The following RTKN2 variants were observed in gnomAD, a reference collection of about 807,000 sequenced individuals.
RTKN2 encodes rhotekin-2.
Under a neutral mutation model 71.5 loss-of-function variants are expected in RTKN2, and 69 were observed. The observed-to-expected ratio is 0.96, with a 90% CI of 0.79 to 1.18. The LOEUF is 1.18. Ranked by LOEUF, RTKN2 falls within the 50% of genes most tolerant of loss-of-function variation. The pLI is 0.00. For synonymous variants in RTKN2, 236 were observed against 236.5 expected (o/e 1.00, Z 0.02); for missense variants, 724 against 719.7 (o/e 1.01, Z -0.07).
At position 62,196,131 on chromosome 10, in the gene RTKN2, G is replaced by C; in HGVS notation, c.*1777C>G. On this transcript the variant is annotated 3_prime_UTR_variant, in exon 12 of 12. Coordinates refer to ENST00000373789, the MANE Select transcript of RTKN2 (RefSeq NM_145307.4). Reference sequence around the variant, plus strand: ...GCTCAATAATTTAGTGGCAATGACAGTCACAAATGCTGTCAAAAACAGCAA... The same window carrying C: ...GCTCAATAATTTAGTGGCAATGACACTCACAAATGCTGTCAAAAACAGCAA... 1 of 984,108 alleles carries C rather than the reference G, an allele frequency of 1.0e-6. No individual in the cohort carries two copies. The highest frequency in any genetic ancestry group is 1.2e-6 in the Non-Finnish European group (1 of 828,906). The allele number at this position is 984,108 out of a possible 1,614,324, so 61.0% of individuals were successfully genotyped here. A position where few individuals can be genotyped will look rare whatever the true frequency, so the allele number is the denominator to read the frequency against.
intron 2 of RTKN2, among the ~76,000 whole-genome samples, chr10:62,254,799 G>C (rs1305937554): frequency 6.6e-6 from 1 of 151,832 alleles, no homozygotes; most frequent in Non-Finnish European, 1.5e-5. Flanking sequence ...TAAGCAAGCT[G>C]AGAGACAAAA....
intron 8 of RTKN2, chr10:62,184,491 G>C (rs1402600890): frequency 6.8e-6 from 4 of 588,552 alleles, no homozygotes; most frequent in Non-Finnish European, 1.2e-5. Flanking sequence ...GGAAAAGATT[G>C]CAAGTTTCAG....
At chr10:62,215,996 C>A (rs576645720) in intron 9 of RTKN2, among the ~76,000 whole-genome samples, 1 of 151,804 alleles carries the variant, frequency 6.6e-6, no homozygotes, top group Non-Finnish European at 1.5e-5. Flanking sequence ...ACAGTTTAAA[C>A]AAAACAGTTA....
intron 10 of RTKN2, among the ~76,000 whole-genome samples, chr10:62,203,699 T>C (rs1208379952): frequency 1.3e-5 from 2 of 152,184 alleles, no homozygotes; most frequent in African/African-American, 4.8e-5. Flanking sequence ...AAATGAATAT[T>C]TGAACATTTA....
chr10:62,213,010 T>C (rs1288999231), intron 9 of RTKN2, among the ~76,000 whole-genome samples: 1 of 152,166 alleles, frequency 6.6e-6, no homozygotes, highest in African/African-American at 2.4e-5. Flanking sequence ...GCAATTAAGA[T>C]ACCAAGTATT....
At chr10:62,250,699 G>A (rs1313366781) in intron 2 of RTKN2, among the ~76,000 whole-genome samples, 2 of 152,020 alleles carry the variant, frequency 1.3e-5, no homozygotes, top group Admixed American at 6.6e-5. Context: ...GCATGATCTC[G>A]GCTCACTGCA....
At chr10:62,222,405 C>T (rs1468278641) in intron 7 of RTKN2, among the ~76,000 whole-genome samples, 1 of 152,058 alleles carries the variant, frequency 6.6e-6, no homozygotes, top group Non-Finnish European at 1.5e-5. Context: ...AGCCACCACA[C>T]CTAGCCTCAT....
At chr10:62,241,106 G>A in intron 4 of RTKN2, 36 bp downstream of exon 4, 1 of 1,242,250 alleles carries the variant, frequency 8.0e-7, no homozygotes, top group South Asian at 1.3e-5. Flanking sequence ...ACATACTAAA[G>A]AAAACATTTC....
In RTKN2 at chr10:62,194,647, C is replaced by T. The variant is rs1184006019; in HGVS notation, c.*3261G>A. On this transcript the variant is annotated 3_prime_UTR_variant, in exon 12 of 12. Coordinates refer to ENST00000373789, the MANE Select transcript of RTKN2 (RefSeq NM_145307.4). The stretch of plus-strand genomic sequence containing the variant: ...GTGATTACATTCAAATGGCATTTAA[C>T]ATAAATTGCACCAAACTGCCCTATA... 2 of 985,342 alleles carry T rather than the reference C, an allele frequency of 2.0e-6. No individual in the cohort carries two copies. Among genetic ancestry groups the T allele is most frequent in the Non-Finnish European group, 2.4e-6 (2 of 829,870 alleles). The allele number at this position is 985,342 out of a possible 1,614,324, so 61.0% of individuals were successfully genotyped here. A position where few individuals can be genotyped will look rare whatever the true frequency, so the allele number is the denominator to read the frequency against.
At chr10:62,229,251 CTGGAAATGTGGGATATGG>C (rs1383285566) in intron 6 of RTKN2, among the ~76,000 whole-genome samples, 1 of 152,086 alleles carries the variant, frequency 6.6e-6, no homozygotes, top group Non-Finnish European at 1.5e-5. Flanking sequence ...AGGGAAGAAC[CTGGAAATGTGGGATATGG>C]TGGAGAGAGT....
At chr10:62,227,970 C>G (rs1473184096) in intron 6 of RTKN2, among the ~76,000 whole-genome samples, 2 of 151,904 alleles carry the variant, frequency 1.3e-5, no homozygotes, top group African/African-American at 4.8e-5. Flanking sequence ...ATGAGGCTGA[C>G]TGAGAAACAG....
downstream of RTKN2, among the ~76,000 whole-genome samples, chr10:62,192,455 AC>A (rs1841237610): frequency 6.6e-6 from 1 of 152,134 alleles, no homozygotes; most frequent in South Asian, 2.1e-4. Flanking sequence ...ATGGCTCTTT[AC>A]CCATGAAGAC....
At chr10:62,235,630 TATC>T (rs1283252270) in intron 6 of RTKN2, among the ~76,000 whole-genome samples, 2 of 151,736 alleles carry the variant, frequency 1.3e-5, no homozygotes, top group African/African-American at 4.8e-5. Context: ...TTATTAAAAA[TATC>T]ATGGAAAATT....
At chr10:62,239,398 T>C (rs1842324415) in intron 5 of RTKN2, 3 of 275,974 alleles carry the variant, frequency 1.1e-5, no homozygotes, top group Non-Finnish European at 2.0e-5. Flanking sequence ...AAATGGGTCA[T>C]ATCTAATAAG....
intron 1 of RTKN2, among the ~76,000 whole-genome samples, chr10:62,266,905 A>C (rs1842878217): frequency 6.6e-6 from 1 of 152,230 alleles, no homozygotes; most frequent in Non-Finnish European, 1.5e-5. Flanking sequence ...TTTGACCTGA[A>C]TCTGACTCCA....
At chr10:62,254,025 G>T (rs1189635266) in intron 2 of RTKN2, among the ~76,000 whole-genome samples, 1 of 152,096 alleles carries the variant, frequency 6.6e-6, no homozygotes, top group Non-Finnish European at 1.5e-5. Flanking sequence ...AACTGGGAAG[G>T]AGGACACAGA....
rs1211835184 is a variant in RTKN2, at chr10:62,235,945, G to A, written c.686+121C>T. 4.2e-6 allele frequency: 3 copies of A among 718,194 alleles called. No individual in the cohort carries two copies. The East Asian group carries it at 8.2e-5, about 20-fold the overall frequency. 44.5% of individuals were successfully genotyped at this position (718,194 alleles called of 1,614,324 possible). ...AGTTGAGTAAATGTCAAACAACTAA[G>A]TTTTGTTTTTGTTTCCTGATGTTTT... On this transcript the variant is annotated intron_variant, in intron 6 of 11. Transcript: ENST00000373789.
At chr10:62,264,483 C>A (rs971624497) in intron 1 of RTKN2, among the ~76,000 whole-genome samples, 1 of 152,148 alleles carries the variant, frequency 6.6e-6, no homozygotes, top group Non-Finnish European at 1.5e-5. Flanking sequence ...AAAGTAAATT[C>A]TTCTTCAATG....
Position 62,268,729 on chromosome 10 carries a change from G to GGGGCCGGGGGCGCAGGAGGAGCC in RTKN2, c.-142_-120dup, listed in dbSNP as rs1842915797. 1 of 1,050,866 alleles carries GGGGCCGGGGGCGCAGGAGGAGCC rather than the reference G, an allele frequency of 9.5e-7. No homozygotes were observed. Among genetic ancestry groups the GGGGCCGGGGGCGCAGGAGGAGCC allele is most frequent in the South Asian group, 1.6e-5 (1 of 62,038 alleles). The allele number at this position is 1,050,866 out of a possible 1,614,324, so 65.1% of individuals were successfully genotyped here. A position where few individuals can be genotyped will look rare whatever the true frequency, so the allele number is the denominator to read the frequency against. ...CCGGCCGTACCAAGTCCCAGTCGCA[G>GGGGCCGGGGGCGCAGGAGGAGCC]GGGCCGGGGGCGCAGGAGGAGCCGG... On this transcript the variant is annotated 5_prime_UTR_variant, in exon 1 of 12. Coordinates refer to ENST00000373789, the MANE Select transcript of RTKN2 (RefSeq NM_145307.4).
Sources: gnomAD v4.1 joint callset for allele counts (sites outside exome capture counted in the v4.1 genomes callset) on GRCh38, gnomAD v4.1.1 for gene constraint, MANE v1.5 for transcripts, NCBI Gene and HGNC (gene_info 2026-07-23, HGNC 2026-07-21) for gene names.